The following SFMBT1 variants were observed in gnomAD, a reference collection of about 807,000 sequenced individuals.
The protein encoded by SFMBT1 is scm-like with four MBT domains protein 1.
Under a neutral mutation model 108.7 loss-of-function variants are expected in SFMBT1, and 32 were observed. The observed-to-expected ratio is 0.29, with a 90% confidence interval of 0.22 to 0.40. The LOEUF is 0.40. Among genes scored for constraint, SFMBT1 ranks in the 10% least tolerant of loss-of-function variants. SFMBT1 has a pLI of 1.00. For missense variants in SFMBT1, 816 were observed against 1,059.6 expected, an observed-to-expected ratio of 0.77 and a Z score of 3.19; for synonymous variants, 348 against 369.5, an observed-to-expected ratio of 0.94 and a Z score of 0.67.
At chr3:52,913,711 T>A in intron 14 of SFMBT1, 94 bp from the exon 15 acceptor site, 1 of 1,277,136 alleles carries the variant, frequency 7.8e-7, no homozygotes, top group Non-Finnish European at 1.1e-6. Context: ...GAAGCACATG[T>A]ACCATTATAT....
chr3:53,042,148 A>C (rs1700079174), intron 1 of SFMBT1, among the ~76,000 whole-genome samples: 1 of 152,220 alleles, frequency 6.6e-6, no homozygotes, highest in Admixed American at 6.5e-5. Flanking sequence ...CTATTTACTT[A>C]ATGTGAACAT....
At position 52,954,382 on chromosome 3, in the gene SFMBT1, A is replaced by G; in HGVS notation, c.58T>C (p.Leu20=). ...DAGSGMEEVE[L]SWEDYLEETG... is the part of the protein sequence containing the mutation. ...TCTTCTAGATAATCTTCCCAGCTTA[A>G]TTCTACCTCTTCCATACCAGAGCCG... The change falls in exon 3 of 21, where the codon TTA becomes CTA. Residue 20 remains leucine (L), a synonymous_variant. Coordinates refer to ENST00000394752, the MANE Select transcript of SFMBT1 (RefSeq NM_016329.4). 1.9e-6 allele frequency: 3 copies of G among 1,613,940 alleles called. No homozygotes were observed. Among genetic ancestry groups the G allele is most frequent in the Non-Finnish European group, 8.5e-7 (1 of 1,179,942 alleles).
intron 2 of SFMBT1, among the ~76,000 whole-genome samples, chr3:52,956,773 A>C (rs929062188): frequency 6.6e-6 from 1 of 152,154 alleles, no homozygotes; most frequent in Non-Finnish European, 1.5e-5. Context: ...AAAATCAATA[A>C]ATAAAATAAA....
At chr3:53,024,094 A>G (rs1173593799) in intron 1 of SFMBT1, among the ~76,000 whole-genome samples, 1 of 152,194 alleles carries the variant, frequency 6.6e-6, no homozygotes, top group Non-Finnish European at 1.5e-5. Flanking sequence ...AATAAAACAC[A>G]TAGTGTGTAA....
At chr3:53,020,778 C>T (rs1699278797) in intron 1 of SFMBT1, among the ~76,000 whole-genome samples, 1 of 152,050 alleles carries the variant, frequency 6.6e-6, no homozygotes, top group Non-Finnish European at 1.5e-5. Context: ...AAGTAGAGGC[C>T]GGGTACGGTG....
chr3:53,038,797 C>T (rs1048490360), intron 1 of SFMBT1, among the ~76,000 whole-genome samples: 2 of 152,210 alleles, frequency 1.3e-5, no homozygotes, highest in African/African-American at 2.4e-5. Flanking sequence ...TCTATCAATA[C>T]AGAAACAAGA....
intron 1 of SFMBT1, among the ~76,000 whole-genome samples, chr3:52,984,689 ATAT>A (rs1267014432): frequency 3.3e-5 from 4 of 122,948 alleles, no homozygotes; most frequent in African/African-American, 8.4e-5. Context: ...TAGGTAATAT[ATAT>A]TATTATAATA....
intron 1 of SFMBT1, among the ~76,000 whole-genome samples, chr3:53,008,140 G>C (rs1382959110): frequency 6.6e-6 from 1 of 152,050 alleles, no homozygotes; most frequent in Non-Finnish European, 1.5e-5. Context: ...AACTTGAATG[G>C]GGAATGGGGG....
intron 1 of SFMBT1, among the ~76,000 whole-genome samples, chr3:52,983,812 A>G (rs1003208199): frequency 1.3e-5 from 2 of 152,232 alleles, no homozygotes; most frequent in African/African-American, 4.8e-5. Flanking sequence ...AGGGAGTCAT[A>G]TTTTATATGA....
intron 3 of SFMBT1, among the ~76,000 whole-genome samples, chr3:52,952,523 T>C (rs1260810302): frequency 1.3e-5 from 2 of 152,122 alleles, no homozygotes; most frequent in Admixed American, 1.3e-4. Flanking sequence ...CCAAAATATC[T>C]TAGGCTGGAA....
At chr3:52,988,776 T>C (rs1705018853) in intron 1 of SFMBT1, among the ~76,000 whole-genome samples, 1 of 152,192 alleles carries the variant, frequency 6.6e-6, no homozygotes, top group Admixed American at 6.5e-5. Flanking sequence ...CAGCCTAGGT[T>C]ATGATAATTA....
At chr3:52,994,231 G>A (rs1698237557) in intron 1 of SFMBT1, among the ~76,000 whole-genome samples, 1 of 150,254 alleles carries the variant, frequency 6.7e-6, no homozygotes, top group African/African-American at 2.4e-5. Context: ...TGTGCCATCT[G>A]GTCACAAAAC....
At chr3:53,033,213 T>C (rs1021357724) in intron 1 of SFMBT1, among the ~76,000 whole-genome samples, 1 of 151,594 alleles carries the variant, frequency 6.6e-6, no homozygotes, top group Non-Finnish European at 1.5e-5. Flanking sequence ...CAGGCTGGAG[T>C]GCAGTGGCGC....
chr3:52,943,486 C>G lies in SFMBT1; in HGVS notation c.231G>C (p.Glu77Asp). 6.2e-7 allele frequency: 1 copy of G among 1,614,146 alleles called. No individual in the cohort carries two copies. The highest frequency in any genetic ancestry group is 8.5e-7 in the Non-Finnish European group (1 of 1,180,008). ...YWVATVITTC[E>D]QLLLLRYDGY... ...CATCATAGCGGAGAAGGAGCAACTG[C>G]TCACAGGTAGTGATAACGGTGGCAA... The change falls in exon 4 of 21, where the codon GAG becomes GAC. Residue 77 changes from glutamate (E) to aspartate (D), a missense_variant. Coordinates refer to ENST00000394752, the MANE Select transcript of SFMBT1 (RefSeq NM_016329.4).
chr3:53,044,772 C>T (rs1197436752), intron 1 of SFMBT1, among the ~76,000 whole-genome samples: 1 of 152,170 alleles, frequency 6.6e-6, no homozygotes. Context: ...TCAAAAACAC[C>T]ACTTGGGACC....
chr3:52,913,894 T>C lies in SFMBT1; in HGVS notation c.1481-277A>G, dbSNP rs182218006. Among the ~76,000 whole-genome samples, 985 of 152,324 alleles carry C rather than the reference T, an allele frequency of 6.5e-3. 93 individuals carry two copies. In the South Asian group the frequency reaches 0.18, roughly 28 times the overall value. On this transcript the variant is annotated intron_variant, in intron 14 of 20. Coordinates refer to ENST00000394752, the MANE Select transcript of SFMBT1 (RefSeq NM_016329.4). ...ATAGAAGAACCCTATCTTCTATTAA[T>C]AAAGAAAGTGGAGGGTGTATTTTAA...
chr3:52,995,324 A>G (rs1435517638), intron 1 of SFMBT1, among the ~76,000 whole-genome samples: 1 of 150,422 alleles, frequency 6.6e-6, no homozygotes, highest in African/African-American at 2.4e-5. Context: ...TAAATGTAAG[A>G]GCCAATATTT....
At position 52,930,965 on chromosome 3, in the gene SFMBT1, C is replaced by G; in HGVS notation, c.771G>C (p.Glu257Asp). ...CCTTAAATAAGTAAGATGGTAATGG[C>G]TCTTCCTCTTCCTCTTTCACTTTGG... ...ILAKVKEEEE[E>D]PLPSYLFKDK... The change falls in exon 7 of 21, where the codon GAG becomes GAC. Residue 257 changes from glutamate to aspartate, a missense_variant. Physicochemically the swap from Glu to Asp is conservative, Grantham distance 45. Coordinates refer to ENST00000394752, the MANE Select transcript of SFMBT1 (RefSeq NM_016329.4). The G allele has an allele frequency of 6.2e-7, 1 of 1,613,898 alleles. No individual in the cohort carries two copies. Among genetic ancestry groups the G allele is most frequent in the Non-Finnish European group, 8.5e-7 (1 of 1,179,852 alleles).
chr3:53,019,386 T>TG (rs34706485), intron 1 of SFMBT1, among the ~76,000 whole-genome samples: 27 of 141,832 alleles, frequency 1.9e-4, no homozygotes, highest in East Asian at 1.3e-3. Context: ...TGTGTGTGTG[T>TG]GGGGGGGGTA....
Sources: allele counts gnomAD v4.1 joint callset (sites outside exome capture counted in the v4.1 genomes callset), GRCh38; gene constraint gnomAD v4.1.1; transcripts MANE v1.5; gene names NCBI Gene and HGNC (gene_info 2026-07-23, HGNC 2026-07-21).